The following ARFGEF2 variants were observed in gnomAD, a reference collection of about 807,000 sequenced individuals.
ARFGEF2 encodes brefeldin A-inhibited guanine nucleotide-exchange protein 2.
In ARFGEF2, 74 loss-of-function variants were observed where a neutral mutation model predicts 219.9. The observed-to-expected ratio is 0.34, with a 90% CI of 0.28 to 0.41. The LOEUF (loss-of-function observed/expected upper bound fraction) is 0.41. Among genes scored for constraint, ARFGEF2 ranks in the 10% least tolerant of loss-of-function variants. ARFGEF2 has a pLI of 1.00. For missense variants in ARFGEF2, 1,743 were observed against 2,218.3 expected (o/e 0.79, Z 4.30); for synonymous variants, 733 against 799.2 (o/e 0.92, Z 1.40).
intron 6 of ARFGEF2, among the ~76,000 whole-genome samples, chr20:48,958,997 A>G (rs1335737978): frequency 6.6e-6 from 1 of 152,218 alleles, no homozygotes; most frequent in Middle Eastern, 3.2e-3. Flanking sequence ...GTGTTGCCAC[A>G]TAGTTGGGTT....
intron 20 of ARFGEF2, among the ~76,000 whole-genome samples, chr20:48,990,568 C>T (rs2091351999): frequency 6.6e-6 from 1 of 152,134 alleles, no homozygotes; most frequent in African/African-American, 2.4e-5. Context: ...TTCTTTTATA[C>T]CAAGACCACA....
intron 16 of ARFGEF2, among the ~76,000 whole-genome samples, chr20:48,986,798 C>CA (rs1404042394): frequency 6.6e-6 from 1 of 152,118 alleles, no homozygotes; most frequent in African/African-American, 2.4e-5. Context: ...CTCCTGGGCT[C>CA]AATCAGTCCT....
intron 34 of ARFGEF2, among the ~76,000 whole-genome samples, chr20:49,019,353 G>A (rs768364128): frequency 6.6e-6 from 1 of 152,078 alleles, no homozygotes; most frequent in Admixed American, 6.5e-5. Flanking sequence ...GGAATAGTAT[G>A]CCTTATTCTT....
rs561425775 is a variant in ARFGEF2 at position 49,011,649 on chromosome 20, T to C, written c.3758-275T>C. 3.8e-4 allele frequency among the ~76,000 whole-genome samples: 58 copies of C among 152,332 alleles called. 1 individual carries two copies. The highest frequency in any genetic ancestry group is 6.5e-4 in the Non-Finnish European group (44 of 68,038). ...GCATCGAGTTATCTTTGCACATAGT[T>C]GGCGTTCAATAAATGAATGAATTGA... is the stretch of plus-strand genomic sequence containing the variant. On this transcript the variant is annotated intron_variant, in intron 27 of 38. Coordinates refer to ENST00000371917, the MANE Select transcript of ARFGEF2 (RefSeq NM_006420.3).
At position 49,013,966 on chromosome 20, in the gene ARFGEF2, T is replaced by C. The variant is rs1253247658; in HGVS notation, c.4179+6T>C. 1.9e-6 allele frequency: 3 copies of C among 1,613,922 alleles called. No individual in the cohort carries two copies. The South Asian group carries it at 3.3e-5, about 18-fold the overall frequency. On this transcript the variant is annotated splice_donor_region_variant and intron_variant, in intron 30 of 38. Transcript: ENST00000371917. ...TCCCTGAGCAACTGTCAGAGGTAGG[T>C]GATAACTACAGCACTGCCCTAGGTA...
chr20:48,988,473 A>G lies in ARFGEF2; in HGVS notation c.2362-18A>G, dbSNP rs759750231. ...ATTGGATGTTTTTTAAATGGTTTTT[A>G]ATTTTTTTTAATTACAGGTAAAAAA... is the stretch of plus-strand genomic sequence containing the variant. On this transcript the variant is annotated intron_variant, in intron 17 of 38. Transcript: ENST00000371917. The G allele has an allele frequency of 6.2e-7, 1 of 1,610,736 alleles. No individual in the cohort carries two copies. Among genetic ancestry groups the G allele is most frequent in the South Asian group, 1.1e-5 (1 of 90,908 alleles).
chr20:49,012,465 A>G (rs910091531), intron 28 of ARFGEF2, among the ~76,000 whole-genome samples: 1 of 151,626 alleles, frequency 6.6e-6, no homozygotes, highest in Non-Finnish European at 1.5e-5. Flanking sequence ...TTTAAAAATC[A>G]CCTTTTGTTT....
In ARFGEF2 at chr20:48,975,910, G is replaced by A. The variant is rs900364820; in HGVS notation, c.1775-106G>A. 1.6e-5 allele frequency: 15 copies of A among 961,812 alleles called. No homozygotes were observed. In the African/African-American group the frequency reaches 1.8e-4, roughly 11 times the overall value. The allele number at this position is 961,812 out of a possible 1,614,324, so 59.6% of individuals were successfully genotyped here. On this transcript the variant is annotated intron_variant, in intron 13 of 38. Coordinates refer to ENST00000371917, the MANE Select transcript of ARFGEF2 (RefSeq NM_006420.3). ...CTTATAATCCTTATAGTATTGACTT[G>A]TTGCTATTACAGGTTTGGGAAAGGG...
chr20:48,985,339 T>A, intron 15 of ARFGEF2, 69 bp from the exon 16 acceptor site: 8 of 1,543,228 alleles, frequency 5.2e-6, no homozygotes, highest in Non-Finnish European at 7.2e-6. Flanking sequence ...CTCCACCCTT[T>A]GGCTGCTGGC....
chr20:48,924,892 C>T (rs2090867037), intron 1 of ARFGEF2, among the ~76,000 whole-genome samples: 1 of 152,118 alleles, frequency 6.6e-6, no homozygotes, highest in Non-Finnish European at 1.5e-5. Flanking sequence ...TTGACATGTG[C>T]AAAAAACTTG....
chr20:48,990,469 C>T (rs2091351486), intron 20 of ARFGEF2, among the ~76,000 whole-genome samples: 1 of 152,102 alleles, frequency 6.6e-6, no homozygotes, highest in South Asian at 2.1e-4. Flanking sequence ...GTTGACAATC[C>T]CATGCATCAC....
chr20:49,026,450 C>T (rs1287231446), intron 36 of ARFGEF2, among the ~76,000 whole-genome samples: 3 of 152,036 alleles, frequency 2.0e-5, no homozygotes, highest in South Asian at 2.1e-4. Flanking sequence ...ACTTTCCTAC[C>T]TCCAAAAATA....
intron 12 of ARFGEF2, among the ~76,000 whole-genome samples, chr20:48,974,221 G>T (rs1370693468): frequency 7.0e-6 from 1 of 142,360 alleles, no homozygotes; most frequent in East Asian, 2.1e-4. Context: ...CACCTCCCAG[G>T]TTCAAGTGAT....
At chr20:48,987,936 C>CGCT (rs1199149596) in intron 16 of ARFGEF2, among the ~76,000 whole-genome samples, 1 of 152,034 alleles carries the variant, frequency 6.6e-6, no homozygotes, top group Non-Finnish European at 1.5e-5. Context: ...TATGGGCACC[C>CGCT]GCTGCCACGC....
intron 8 of ARFGEF2, among the ~76,000 whole-genome samples, chr20:48,968,284 T>C (rs554735139): frequency 6.6e-6 from 1 of 151,446 alleles, no homozygotes; most frequent in South Asian, 2.1e-4. Context: ...TGAGCCACCG[T>C]GCCTGGCCAA....
At chr20:48,971,676 C>T (rs368527070) in intron 10 of ARFGEF2, among the ~76,000 whole-genome samples, 3 of 151,948 alleles carry the variant, frequency 2.0e-5, no homozygotes, top group East Asian at 1.9e-4. Flanking sequence ...CTGAGGCGGG[C>T]GGATCATGAG....
At chr20:48,978,982 T>C (rs999907018) in intron 14 of ARFGEF2, among the ~76,000 whole-genome samples, 3 of 152,202 alleles carry the variant, frequency 2.0e-5, no homozygotes, top group Admixed American at 2.0e-4. Context: ...TCTTGCCTGA[T>C]TGCCCTGGCC....
intron 26 of ARFGEF2, among the ~76,000 whole-genome samples, chr20:49,006,449 ATC>A (rs1454758125): frequency 1.8e-4 from 27 of 152,224 alleles, no homozygotes; most frequent in African/African-American, 6.3e-4. Context: ...TTAAAAACAA[ATC>A]TCTGTTTAAT....
intron 37 of ARFGEF2, among the ~76,000 whole-genome samples, chr20:49,030,425 G>T (rs1385378632): frequency 4.0e-5 from 6 of 148,474 alleles, no homozygotes; most frequent in African/African-American, 1.5e-4. Context: ...CTCCTGAGTA[G>T]CTGGGACTAC....
Sources: gnomAD v4.1 joint callset for allele counts (sites outside exome capture counted in the v4.1 genomes callset) on GRCh38, gnomAD v4.1.1 for gene constraint, MANE v1.5 for transcripts, NCBI Gene and HGNC (gene_info 2026-07-23, HGNC 2026-07-21) for gene names.